Variants in C10orf90 observed in about 807,000 individuals in gnomAD.
C10orf90 encodes (E2-independent) E3 ubiquitin-conjugating enzyme FATS.
Under a neutral mutation model 62.5 loss-of-function variants are expected in C10orf90, and 56 were observed. That is an observed-to-expected ratio of 0.90 (90% CI 0.72 to 1.12). The LOEUF (loss-of-function observed/expected upper bound fraction) is 1.12. Among genes scored for constraint, C10orf90 ranks in the 50% most tolerant of loss-of-function variants. C10orf90 has a pLI of 0.00. For synonymous variants in C10orf90, 386 were observed against 340.4 expected (o/e 1.13, Z -1.47); for missense variants, 970 against 880.4 (o/e 1.10, Z -1.29).
intron 5 of C10orf90, among the ~76,000 whole-genome samples, chr10:126,462,677 G>A (rs1860063940): frequency 6.6e-6 from 1 of 152,124 alleles, no homozygotes; most frequent in Admixed American, 6.5e-5. Flanking sequence ...TCATTCTCTG[G>A]GGAGTGGAGA....
intron 2 of C10orf90, among the ~76,000 whole-genome samples, chr10:126,628,268 T>A (rs1381230016): frequency 6.6e-6 from 1 of 152,184 alleles, no homozygotes; most frequent in Admixed American, 6.5e-5. Context: ...TTTGCTATAG[T>A]GAATTTAAAA....
chr10:126,437,738 C>T (rs1207823102), intron 7 of C10orf90, among the ~76,000 whole-genome samples: 1 of 152,062 alleles, frequency 6.6e-6, no homozygotes, highest in African/African-American at 2.4e-5. Context: ...CCTATATTTT[C>T]ATTAGATAAA....
chr10:126,521,509 GA>G (rs768214017), intron 2 of C10orf90: 1 of 1,386,590 alleles, frequency 7.2e-7, no homozygotes. Flanking sequence ...GAAGTCACCG[GA>G]ATGTTTACAG....
intron 7 of C10orf90, among the ~76,000 whole-genome samples, chr10:126,445,803 G>GTATATATATATA (rs1227032547): frequency 4.5e-5 from 3 of 67,042 alleles, no homozygotes; most frequent in African/African-American, 1.3e-4. Context: ...AGAAACTGTG[G>GTATATATATATA]TGTATATATA....
At chr10:126,492,152 G>T (rs1861800927) in intron 4 of C10orf90, among the ~76,000 whole-genome samples, 1 of 152,182 alleles carries the variant, frequency 6.6e-6, no homozygotes, top group Non-Finnish European at 1.5e-5. Flanking sequence ...AATATTAATT[G>T]CTTAGTTTAT....
intron 2 of C10orf90, among the ~76,000 whole-genome samples, chr10:126,546,301 C>A (rs965010050): frequency 6.6e-6 from 1 of 152,226 alleles, no homozygotes; most frequent in Non-Finnish European, 1.5e-5. Flanking sequence ...AGCACCCTAA[C>A]CTAACTGGCA....
At chr10:126,442,631 GTGTATATATA>G (rs1374403656) in intron 7 of C10orf90, among the ~76,000 whole-genome samples, 53 of 91,868 alleles carry the variant, frequency 5.8e-4, no homozygotes, top group African/African-American at 2.4e-3. Flanking sequence ...TATTGTGTGT[GTGTATATATA>G]TATATATATA....
intron 2 of C10orf90, among the ~76,000 whole-genome samples, chr10:126,600,902 A>G (rs972685928): frequency 6.6e-6 from 1 of 152,228 alleles, no homozygotes; most frequent in African/African-American, 2.4e-5. Flanking sequence ...AGTCCCTGGC[A>G]GTACTATTTA....
intron 1 of C10orf90, among the ~76,000 whole-genome samples, chr10:126,654,867 C>T (rs902108003): frequency 2.6e-5 from 4 of 152,118 alleles, no homozygotes; most frequent in African/African-American, 9.7e-5. Flanking sequence ...CACTCAGAGG[C>T]TTATTAATTA....
intron 2 of C10orf90, among the ~76,000 whole-genome samples, chr10:126,639,681 A>T (rs1417909303): frequency 6.6e-6 from 1 of 152,248 alleles, no homozygotes; most frequent in East Asian, 1.9e-4. Context: ...CTGAGCATTC[A>T]TGCTTTTGAG....
chr10:126,571,694 G>A (rs3123015), intron 2 of C10orf90, among the ~76,000 whole-genome samples: 2 of 152,164 alleles, frequency 1.3e-5, no homozygotes, highest in African/African-American at 4.8e-5. Context: ...GGGGAAGGTA[G>A]ACCACCCACT....
chr10:126,579,272 TTTC>T (rs146179467), intron 2 of C10orf90, among the ~76,000 whole-genome samples: 3,655 of 129,834 alleles, frequency 0.028, 63 homozygotes, highest in African/African-American at 0.069. Context: ...TCTTTCTTTC[TTTC>T]TTTTTTTTTT....
intron 8 of C10orf90, among the ~76,000 whole-genome samples, chr10:126,428,656 T>C (rs1319766372): frequency 7.4e-6 from 1 of 135,268 alleles, no homozygotes; most frequent in Non-Finnish European, 1.7e-5. Context: ...TGAGATCTAT[T>C]ATTTTAATTG....
chr10:126,531,019 C>T (rs1013486794), intron 2 of C10orf90, among the ~76,000 whole-genome samples: 2 of 151,594 alleles, frequency 1.3e-5, no homozygotes, highest in African/African-American at 4.8e-5. Flanking sequence ...ACTAAAAATA[C>T]AAAAATTAGC....
rs1421585208 is a variant in C10orf90 at position 126,599,626 on chromosome 10, G to A, written c.313+46939C>T. On this transcript the variant is annotated intron_variant, in intron 2 of 9. Coordinates refer to ENST00000488181, the MANE Select transcript of C10orf90 (RefSeq NM_001350921.2). Reference sequence around the variant, plus strand: ...ATCGCCACCCTCTGGCTGCCCCTAAGCTTGGTAGAGTTTTAGGTGCTTCAT... The same window carrying A: ...ATCGCCACCCTCTGGCTGCCCCTAAACTTGGTAGAGTTTTAGGTGCTTCAT... Among the ~76,000 whole-genome samples, 77 of 152,026 alleles carry A rather than the reference G, an allele frequency of 5.1e-4. 1 individual carries two copies. The highest frequency in any genetic ancestry group is 4.4e-5 in the Non-Finnish European group (3 of 67,958).
chr10:126,434,090 G>A (rs370160895), intron 7 of C10orf90, among the ~76,000 whole-genome samples: 9 of 152,084 alleles, frequency 5.9e-5, no homozygotes, highest in African/African-American at 1.9e-4. Context: ...ACTTGGTAAG[G>A]CCAGACTTCC....
At chr10:126,440,155 G>A (rs983766807) in intron 7 of C10orf90, among the ~76,000 whole-genome samples, 1 of 152,012 alleles carries the variant, frequency 6.6e-6, no homozygotes, top group Non-Finnish European at 1.5e-5. Flanking sequence ...GGTAGCTTGG[G>A]GCAAGTTCTT....
intron 2 of C10orf90, among the ~76,000 whole-genome samples, chr10:126,635,356 G>C (rs1390237567): frequency 6.6e-6 from 1 of 152,130 alleles, no homozygotes; most frequent in Non-Finnish European, 1.5e-5. Context: ...TCAAGGCATG[G>C]GGGGTGCGGG....
intron 2 of C10orf90, among the ~76,000 whole-genome samples, chr10:126,557,209 C>T (rs1020138300): frequency 2.0e-5 from 3 of 151,872 alleles, no homozygotes; most frequent in Non-Finnish European, 2.9e-5. Context: ...TGGCCGGGTG[C>T]GGTGGCTGAC....
Sources: gnomAD v4.1 joint callset for allele counts (sites outside exome capture counted in the v4.1 genomes callset) on GRCh38, gnomAD v4.1.1 for gene constraint, MANE v1.5 for transcripts, NCBI Gene and HGNC (gene_info 2026-07-23, HGNC 2026-07-21) for gene names.